The following ATXN1 variants were observed in gnomAD, a reference collection of about 807,000 sequenced individuals.
ATXN1 encodes the protein ataxin-1.
A neutral mutation model predicts 56.4 loss-of-function variants in ATXN1; 8 were observed. The ratio of observed to expected loss-of-function variants is 0.14; its 90% CI spans 0.08 to 0.26. The LOEUF (loss-of-function observed/expected upper bound fraction) is 0.26. Ranked by LOEUF, ATXN1 falls within the 10% of genes least tolerant of loss-of-function variation. The pLI is 1.00. For missense variants in ATXN1, 987 were observed against 1,106.5 expected, an observed-to-expected ratio of 0.89 and a Z score of 1.53; for synonymous variants, 514 against 494.6, an observed-to-expected ratio of 1.04 and a Z score of -0.52.
chr6:16,458,466 G>C (rs1452217643), intron 6 of ATXN1, among the ~76,000 whole-genome samples: 1 of 152,206 alleles, frequency 6.6e-6, no homozygotes, highest in Non-Finnish European at 1.5e-5. Context: ...TACCCAATCA[G>C]CTGAGATATC....
chr6:16,629,824 G>A (rs1290437163), intron 3 of ATXN1, among the ~76,000 whole-genome samples: 1 of 151,610 alleles, frequency 6.6e-6, no homozygotes, highest in Non-Finnish European at 1.5e-5. Context: ...GGCTGAGGCA[G>A]GAGAATCGCT....
chr6:16,342,605 T>A (rs1761275818), intron 6 of ATXN1, among the ~76,000 whole-genome samples: 1 of 152,156 alleles, frequency 6.6e-6, no homozygotes, highest in Non-Finnish European at 1.5e-5. Flanking sequence ...AGCCAAAAGG[T>A]GTCAACAACC....
intron 3 of ATXN1, among the ~76,000 whole-genome samples, chr6:16,610,290 CA>C: frequency 6.6e-6 from 1 of 151,072 alleles, no homozygotes; most frequent in Middle Eastern, 3.4e-3. Context: ...ACCAAAAACT[CA>C]CTCTATACAA....
At chr6:16,380,111 C>T (rs1205519442) in intron 6 of ATXN1, among the ~76,000 whole-genome samples, 1 of 152,166 alleles carries the variant, frequency 6.6e-6, no homozygotes, top group Non-Finnish European at 1.5e-5. Flanking sequence ...TCCAGGTGTA[C>T]ATCACTGGCT....
At chr6:16,614,375 A>G (rs966118726) in intron 3 of ATXN1, among the ~76,000 whole-genome samples, 1 of 151,748 alleles carries the variant, frequency 6.6e-6, no homozygotes, top group African/African-American at 2.4e-5. Context: ...GGTGGGCCCC[A>G]GTGTACTTCA....
chr6:16,396,405 C>T (rs1276748113), intron 6 of ATXN1, among the ~76,000 whole-genome samples: 1 of 151,990 alleles, frequency 6.6e-6, no homozygotes, highest in Non-Finnish European at 1.5e-5. Context: ...CATAGTGAGA[C>T]TTAGTTTCTA....
rs138165340 is a variant in ATXN1, at chr6:16,388,463, C to T, written c.-160-59993G>A. On this transcript the variant is annotated intron_variant, in intron 6 of 7. Transcript: ENST00000436367. ...CAGACATATGGACTCTCCTAAGACC[C>T]GGGAAGACCACAGGCAGGTATGCTT... Among the ~76,000 whole-genome samples the T allele has an allele frequency of 3.0e-4, 45 of 152,208 alleles. 1 individual carries two copies. The highest frequency in any genetic ancestry group is 9.2e-4 in the African/African-American group (38 of 41,516).
chr6:16,529,492 T>C (rs1178916021), intron 4 of ATXN1, among the ~76,000 whole-genome samples: 2 of 152,162 alleles, frequency 1.3e-5, no homozygotes, highest in Non-Finnish European at 2.9e-5. Flanking sequence ...ACTTTAGTTA[T>C]CAAAGTGTGG....
intron 3 of ATXN1, among the ~76,000 whole-genome samples, chr6:16,637,408 A>G (rs1763619467): frequency 1.3e-5 from 2 of 152,180 alleles, no homozygotes; most frequent in Admixed American, 1.3e-4. Flanking sequence ...TGATGAGTTA[A>G]TGGGTGCAGC....
chr6:16,517,786 G>A (rs1408448120), intron 5 of ATXN1, among the ~76,000 whole-genome samples: 1 of 152,146 alleles, frequency 6.6e-6, no homozygotes, highest in African/African-American at 2.4e-5. Flanking sequence ...GCACACACAT[G>A]CACACATGCC....
intron 6 of ATXN1, among the ~76,000 whole-genome samples, chr6:16,347,001 G>C (rs1045662596): frequency 1.8e-3 from 274 of 152,362 alleles, no homozygotes; most frequent in African/African-American, 6.3e-3. Flanking sequence ...GCCGGCCCTA[G>C]GGCAGTGAGG....
chr6:16,598,751 A>G (rs1393193896), intron 3 of ATXN1, among the ~76,000 whole-genome samples: 1 of 152,238 alleles, frequency 6.6e-6, no homozygotes, highest in Non-Finnish European at 1.5e-5. Context: ...CCTGGGCCCC[A>G]TGACAGAACC....
At chr6:16,671,415 T>C (rs996948502) in intron 2 of ATXN1, among the ~76,000 whole-genome samples, 1 of 151,842 alleles carries the variant, frequency 6.6e-6, no homozygotes, top group African/African-American at 2.4e-5. Context: ...TCAGGAAAGA[T>C]TCTGGTAAGA....
chr6:16,554,636 T>A (rs950204638), intron 4 of ATXN1, among the ~76,000 whole-genome samples: 1 of 152,164 alleles, frequency 6.6e-6, no homozygotes, highest in South Asian at 2.1e-4. Flanking sequence ...GTATTTTTAG[T>A]AGAGATGGGG....
intron 2 of ATXN1, among the ~76,000 whole-genome samples, chr6:16,694,264 T>C (rs1401159593): frequency 6.7e-6 from 1 of 149,462 alleles, no homozygotes; most frequent in Non-Finnish European, 1.5e-5. Flanking sequence ...TTTTTTTTTT[T>C]TTTTAAGAGA....
intron 2 of ATXN1, among the ~76,000 whole-genome samples, chr6:16,750,863 C>T (rs572048506): frequency 6.6e-6 from 1 of 152,178 alleles, no homozygotes; most frequent in East Asian, 1.9e-4. Flanking sequence ...CCCCAAAGAT[C>T]TAAATGTGAG....
intron 2 of ATXN1, among the ~76,000 whole-genome samples, chr6:16,730,583 G>A (rs1284833703): frequency 6.7e-6 from 1 of 150,232 alleles, no homozygotes; most frequent in Non-Finnish European, 1.5e-5. Flanking sequence ...ACAAAATACA[G>A]AAAGAATATT....
chr6:16,644,201 C>T (rs182863995), intron 3 of ATXN1, among the ~76,000 whole-genome samples: 2 of 152,250 alleles, frequency 1.3e-5, no homozygotes, highest in East Asian at 1.9e-4. Context: ...TGGAAATGTA[C>T]ATAATGCCAC....
intron 4 of ATXN1, among the ~76,000 whole-genome samples, chr6:16,536,694 CCAATGTGCTATTG>C (rs1462360944): frequency 1.3e-4 from 20 of 152,186 alleles, no homozygotes; most frequent in African/African-American, 4.8e-4. Context: ...AGCACTTTTG[CCAATGTGCTATTG>C]CAATGTGCTA....
Sources: allele counts gnomAD v4.1 joint callset (sites outside exome capture counted in the v4.1 genomes callset), GRCh38; gene constraint gnomAD v4.1.1; transcripts MANE v1.5; gene names NCBI Gene and HGNC (gene_info 2026-07-23, HGNC 2026-07-21).